The following PCDHA6 variants were observed in gnomAD, a reference collection of about 807,000 sequenced individuals.
PCDHA6 encodes protocadherin alpha-6.
A neutral mutation model predicts 60.3 loss-of-function variants in PCDHA6; 55 were observed. The ratio of observed to expected loss-of-function variants is 0.91; its 90% CI spans 0.73 to 1.14. The LOEUF is 1.14. PCDHA6 is among the 50% of genes most tolerant of loss of function. PCDHA6 has a pLI of 0.00. For synonymous variants in PCDHA6, 652 were observed against 557.9 expected (o/e 1.17, Z -2.38); for missense variants, 1,327 against 1,256.5 (o/e 1.06, Z -0.85).
chr5:141,000,421 A>ATAT (rs1265241806), intron 3 of PCDHA6, among the ~76,000 whole-genome samples: 11 of 27,980 alleles, frequency 3.9e-4, no homozygotes, highest in South Asian at 1.9e-3. Flanking sequence ...ATATATATAT[A>ATAT]TTTTTTTTTT....
intron 3 of PCDHA6, among the ~76,000 whole-genome samples, chr5:140,991,900 A>G (rs137964856): frequency 9.8e-4 from 149 of 152,250 alleles, no homozygotes; most frequent in African/African-American, 3.0e-3. Context: ...TTAACACAAA[A>G]TCCCTTTTGC....
chr5:140,999,822 T>C (rs1389164136), intron 3 of PCDHA6, among the ~76,000 whole-genome samples: 3 of 152,222 alleles, frequency 2.0e-5, no homozygotes, highest in Non-Finnish European at 4.4e-5. Context: ...GAGCTGTGGC[T>C]TTAAAAATAT....
At chr5:140,993,462 T>TCACACACACACACACA (rs3836747) in intron 3 of PCDHA6, among the ~76,000 whole-genome samples, 10 of 140,938 alleles carry the variant, frequency 7.1e-5, no homozygotes, top group African/African-American at 2.4e-4. Flanking sequence ...TCTTTCTTTC[T>TCACACACACACACACA]CACACACACA....
At position 140,841,172 on chromosome 5, in the gene PCDHA6, G is replaced by A. The variant is rs1479528874; in HGVS notation, c.2394+10687G>A. 5 of 1,035,814 alleles carry A rather than the reference G, an allele frequency of 4.8e-6. No homozygotes were observed. The African/African-American group carries it at 6.5e-5, about 13-fold the overall frequency. The allele number at this position is 1,035,814 out of a possible 1,614,324, so 64.2% of individuals were successfully genotyped here. A position where few individuals can be genotyped will look rare whatever the true frequency, so the allele number is the denominator to read the frequency against. On this transcript the variant is annotated intron_variant, in intron 1 of 3. Coordinates refer to ENST00000529310, the MANE Select transcript of PCDHA6 (RefSeq NM_018909.4). ...GCTGTCTACCAAGAAGTTCTGGTTG[G>A]TCAATGTTCAAAGTCTTTTCTCTGA...
chr5:140,839,881 A>G (rs1399090183), intron 1 of PCDHA6, among the ~76,000 whole-genome samples: 4 of 152,040 alleles, frequency 2.6e-5, no homozygotes, highest in African/African-American at 9.7e-5. Flanking sequence ...GATGAATAGA[A>G]TTTTGACAGA....
chr5:140,883,262 G>T (rs1211665444), intron 1 of PCDHA6: 1 of 1,613,956 alleles, frequency 6.2e-7, no homozygotes. Flanking sequence ...TCCAATGGCG[G>T]GTCATTGTAC....
rs1181136155 is a variant in PCDHA6, at chr5:140,966,778, G to C, written c.2395-12171G>C. Reference sequence around the variant, plus strand: ...CGCGGCCAGTGGCTATGGAGCAGGCGGGCACCAGACCTGCGGCGACAGAGC... The same window carrying C: ...CGCGGCCAGTGGCTATGGAGCAGGCCGGCACCAGACCTGCGGCGACAGAGC... On this transcript the variant is annotated intron_variant, in intron 1 of 3. Transcript: ENST00000529310. The C allele has an allele frequency of 4.0e-6, 6 of 1,512,380 alleles. No homozygotes were observed. The African/African-American group carries it at 8.3e-5, about 21-fold the overall frequency. The allele number at this position is 1,512,380 out of a possible 1,614,324, so 93.7% of individuals were successfully genotyped here. A position where few individuals can be genotyped will look rare whatever the true frequency, so the allele number is the denominator to read the frequency against.
chr5:140,967,927 C>T (rs782426020), intron 1 of PCDHA6: 3 of 1,614,228 alleles, frequency 1.9e-6, no homozygotes, highest in Non-Finnish European at 2.5e-6. Context: ...TGGCCGTTCT[C>T]AGTGTCAATG....
chr5:140,961,793 A>G (rs1554225592), intron 1 of PCDHA6, among the ~76,000 whole-genome samples: 2 of 152,166 alleles, frequency 1.3e-5, no homozygotes, highest in Admixed American at 1.3e-4. Flanking sequence ...TTTTTAAAAG[A>G]TAGGAAATTG....
At chr5:140,965,496 ATTTTTT>A (rs71766133) in intron 1 of PCDHA6, among the ~76,000 whole-genome samples, 2 of 146,442 alleles carry the variant, frequency 1.4e-5, no homozygotes, top group African/African-American at 2.5e-5. Flanking sequence ...ATGACAGCAG[ATTTTTT>A]TTTTTTTTTA....
Position 140,877,583 on chromosome 5 carries a change from T to C in PCDHA6, c.2394+47098T>C. On this transcript the variant is annotated intron_variant, in intron 1 of 3. Transcript: ENST00000529310. ...ATTAACGTGTACCTCATCATCGCCA[T>C]CTGTGCGGTGTCCAGCCTGCTGGTG... 6.2e-7 allele frequency: 1 copy of C among 1,613,816 alleles called. No homozygotes were observed. Among genetic ancestry groups the C allele is most frequent in the Admixed American group, 1.7e-5 (1 of 60,032 alleles).
intron 1 of PCDHA6, among the ~76,000 whole-genome samples, chr5:140,949,282 T>C (rs1308331025): frequency 6.6e-6 from 1 of 151,850 alleles, no homozygotes; most frequent in African/African-American, 2.4e-5. Flanking sequence ...GAAAAGAATG[T>C]ATATTCTGTA....
At chr5:140,849,851 A>C (rs148732691) in intron 1 of PCDHA6, 9 of 1,598,252 alleles carry the variant, frequency 5.6e-6, no homozygotes, top group East Asian at 4.5e-5. Context: ...ACGACAACGC[A>C]CCAGCGTTCG....
intron 1 of PCDHA6, 93 bp downstream of exon 1, chr5:140,830,578 T>C: frequency 1.2e-6 from 1 of 823,976 alleles, no homozygotes; most frequent in Non-Finnish European, 1.7e-6. Flanking sequence ...TTTTTAATTT[T>C]TAATTAATTT....
intron 1 of PCDHA6, among the ~76,000 whole-genome samples, chr5:140,913,536 C>A (rs949214910): frequency 4.6e-5 from 7 of 151,882 alleles, no homozygotes; most frequent in Non-Finnish European, 8.8e-5. Context: ...AAAAGATTGA[C>A]TTTTTGTTTT....
intron 1 of PCDHA6, among the ~76,000 whole-genome samples, chr5:140,916,847 C>T (rs1276107761): frequency 1.3e-5 from 2 of 152,116 alleles, no homozygotes; most frequent in Non-Finnish European, 2.9e-5. Flanking sequence ...GAGCCCAGCC[C>T]AGCACTAGGA....
intron 1 of PCDHA6, among the ~76,000 whole-genome samples, chr5:140,911,647 G>A (rs1554194849): frequency 2.0e-5 from 3 of 152,160 alleles, no homozygotes; most frequent in African/African-American, 7.2e-5. Flanking sequence ...ATTACATATA[G>A]AGTTACTAAA....
chr5:140,876,837 C>G (rs782753877), intron 1 of PCDHA6: 3 of 1,614,148 alleles, frequency 1.9e-6, no homozygotes, highest in African/African-American at 1.3e-5. Context: ...CGCCTGCGTT[C>G]GCGCAGCCCG....
At chr5:140,873,770 C>T (rs1316613523) in intron 1 of PCDHA6, among the ~76,000 whole-genome samples, 1 of 151,400 alleles carries the variant, frequency 6.6e-6, no homozygotes, top group Non-Finnish European at 1.5e-5. Context: ...AAGCAATTCT[C>T]CTGCCTCAGC....
Sources: allele counts gnomAD v4.1 joint callset (sites outside exome capture counted in the v4.1 genomes callset), GRCh38; gene constraint gnomAD v4.1.1; transcripts MANE v1.5; gene names NCBI Gene and HGNC (gene_info 2026-07-23, HGNC 2026-07-21).